Variants in SPAG16 observed in about 807,000 individuals in gnomAD.
SPAG16 encodes sperm associated antigen 16, also known as sperm-associated antigen 16 protein.
A neutral mutation model predicts 80.4 loss-of-function variants in SPAG16; 86 were observed. The ratio of observed to expected loss-of-function variants is 1.07; its 90% confidence interval spans 0.90 to 1.28. The LOEUF (loss-of-function observed/expected upper bound fraction) is 1.28. Ranked by LOEUF, SPAG16 falls within the 50% of genes most tolerant of loss-of-function variation. SPAG16 has a pLI of 0.00. For missense variants in SPAG16, 870 were observed against 765.3 expected, an observed-to-expected ratio of 1.14 and a Z score of -1.61; for synonymous variants, 294 against 265.9, an observed-to-expected ratio of 1.11 and a Z score of -1.03.
chr2:213,991,120 A>G (rs1396868844), intron 12 of SPAG16, among the ~76,000 whole-genome samples: 1 of 152,016 alleles, frequency 6.6e-6, no homozygotes, highest in African/African-American at 2.4e-5. Flanking sequence ...CATCATCTAC[A>G]TTAGGTATGT....
intron 10 of SPAG16, among the ~76,000 whole-genome samples, chr2:213,545,040 T>G (rs981710728): frequency 6.6e-5 from 10 of 152,136 alleles, no homozygotes; most frequent in African/African-American, 2.4e-4. Context: ...TGCTGGATTG[T>G]ATGGTAAGAA....
At chr2:213,317,768 G>T in intron 5 of SPAG16, 1 of 980,712 alleles carries the variant, frequency 1.0e-6, no homozygotes, top group South Asian at 4.6e-5. Context: ...TTCTCCAGAA[G>T]GAATAATATA....
At chr2:213,952,842 C>T (rs1318813808) in intron 12 of SPAG16, among the ~76,000 whole-genome samples, 1 of 152,078 alleles carries the variant, frequency 6.6e-6, no homozygotes, top group African/African-American at 2.4e-5. Context: ...AGAAAGCTCC[C>T]TGTCAAAAGA....
intron 15 of SPAG16, among the ~76,000 whole-genome samples, chr2:214,293,582 C>T (rs1693943271): frequency 1.3e-5 from 2 of 152,204 alleles, no homozygotes; most frequent in Admixed American, 1.3e-4. Flanking sequence ...AGGTCACTAG[C>T]AGAATGCTCA....
intron 10 of SPAG16, among the ~76,000 whole-genome samples, chr2:213,699,383 T>C (rs1447994910): frequency 2.0e-5 from 3 of 152,204 alleles, no homozygotes; most frequent in South Asian, 2.1e-4. Flanking sequence ...TTTTTCATTA[T>C]GATTTATAGT....
intron 15 of SPAG16, among the ~76,000 whole-genome samples, chr2:214,263,239 T>G (rs967956763): frequency 1.3e-5 from 2 of 152,150 alleles, no homozygotes; most frequent in Admixed American, 6.6e-5. Flanking sequence ...ACCCCACACA[T>G]GCATAAATTT....
intron 15 of SPAG16, among the ~76,000 whole-genome samples, chr2:214,374,786 C>T (rs775781186): frequency 1.3e-5 from 2 of 152,144 alleles, no homozygotes; most frequent in Non-Finnish European, 2.9e-5. Flanking sequence ...ATACCTCATT[C>T]GATTAACTAA....
chr2:213,567,044 A>C (rs1188636355), intron 10 of SPAG16, among the ~76,000 whole-genome samples: 1 of 152,046 alleles, frequency 6.6e-6, no homozygotes, highest in Non-Finnish European at 1.5e-5. Context: ...GCTTATCTTG[A>C]GCTGTTGCCA....
chr2:213,355,827 C>A (rs2065616904), intron 7 of SPAG16, among the ~76,000 whole-genome samples: 1 of 152,094 alleles, frequency 6.6e-6, no homozygotes, highest in Non-Finnish European at 1.5e-5. Flanking sequence ...CAATTTGACT[C>A]CCTCTTTTTC....
chr2:213,468,779 A>G (rs1003146944), intron 9 of SPAG16, among the ~76,000 whole-genome samples: 9 of 150,934 alleles, frequency 6.0e-5, no homozygotes, highest in Non-Finnish European at 1.3e-4. Flanking sequence ...TTTATTAAGT[A>G]TTAACTTACA....
intron 14 of SPAG16, among the ~76,000 whole-genome samples, chr2:214,125,223 A>G (rs2054414051): frequency 6.6e-6 from 1 of 151,460 alleles, no homozygotes; most frequent in East Asian, 1.9e-4. Context: ...CTTTTTCATG[A>G]GGCTTGATAC....
At chr2:213,595,827 TTAGA>T (rs1274909359) in intron 10 of SPAG16, among the ~76,000 whole-genome samples, 2 of 152,154 alleles carry the variant, frequency 1.3e-5, no homozygotes, top group South Asian at 4.1e-4. Flanking sequence ...ATCATGAAAA[TTAGA>T]TAGCAGTTTT....
intron 10 of SPAG16, among the ~76,000 whole-genome samples, chr2:213,856,681 C>G (rs977416079): frequency 6.6e-6 from 1 of 152,182 alleles, no homozygotes; most frequent in Non-Finnish European, 1.5e-5. Context: ...GGCCTTGCAC[C>G]CTCTGAAGCA....
intron 10 of SPAG16, among the ~76,000 whole-genome samples, chr2:213,536,138 G>A (rs1416182279): frequency 6.6e-6 from 1 of 151,952 alleles, no homozygotes; most frequent in African/African-American, 2.4e-5. Context: ...CTTTTGTATA[G>A]TTCACATTCT....
At chr2:214,234,725 A>C (rs894854371) in intron 15 of SPAG16, among the ~76,000 whole-genome samples, 1 of 151,794 alleles carries the variant, frequency 6.6e-6, no homozygotes. Flanking sequence ...CCCACTTTTG[A>C]ATGGGGTTGT....
At chr2:214,291,888 G>T (rs1009641617) in intron 15 of SPAG16, among the ~76,000 whole-genome samples, 5 of 152,128 alleles carry the variant, frequency 3.3e-5, no homozygotes, top group Admixed American at 3.3e-4. Flanking sequence ...GATAGTAAAT[G>T]TTGTCTTTTC....
chr2:214,037,703 G>T (rs930742052), intron 13 of SPAG16, among the ~76,000 whole-genome samples: 1 of 151,854 alleles, frequency 6.6e-6, no homozygotes, highest in Non-Finnish European at 1.5e-5. Context: ...ATGTTATTTT[G>T]GTGCATAGAT....
chr2:213,928,647 G>A (rs1480789632), intron 11 of SPAG16, among the ~76,000 whole-genome samples: 1 of 152,238 alleles, frequency 6.6e-6, no homozygotes, highest in Middle Eastern at 3.4e-3. Flanking sequence ...ATTCATGCTT[G>A]CATGCATTTC....
rs2056634185 is a variant in SPAG16, at chr2:214,165,875, G to GA, written c.1720+16615dup. Among the ~76,000 whole-genome samples the GA allele has an allele frequency of 2.6e-5, 4 of 151,962 alleles. No homozygotes were observed. In the South Asian group the frequency reaches 8.3e-4, roughly 32 times the overall value. ...ATTCAAAGTCAATTAGCTTTCTCGT[G>GA]AAAAAATGAGTTTCTCATTTAGGTG... On this transcript the variant is annotated intron_variant, in intron 15 of 15. Transcript: ENST00000331683.
Sources: gnomAD v4.1 joint callset for allele counts (sites outside exome capture counted in the v4.1 genomes callset) on GRCh38, gnomAD v4.1.1 for gene constraint, MANE v1.5 for transcripts, NCBI Gene and HGNC (gene_info 2026-07-23, HGNC 2026-07-21) for gene names.